Variants in NGF observed in about 807,000 individuals in gnomAD.
The protein encoded by NGF is beta-nerve growth factor.
A neutral mutation model predicts 12.8 loss-of-function variants in NGF; 4 were observed. The ratio of observed to expected loss-of-function variants is 0.31; its 90% CI spans 0.15 to 0.72. The LOEUF (loss-of-function observed/expected upper bound fraction) is 0.72. NGF is among the 30% of genes least tolerant of loss of function. The pLI, the probability that NGF is intolerant of heterozygous loss-of-function variation, is 0.69. For missense variants in NGF, 283 were observed against 330.8 expected, an observed-to-expected ratio of 0.86 and a Z score of 1.12; for synonymous variants, 140 against 130.0, an observed-to-expected ratio of 1.08 and a Z score of -0.52.
intron 1 of NGF, among the ~76,000 whole-genome samples, chr1:115,318,276 C>A (rs1654523843): frequency 6.6e-6 from 1 of 152,220 alleles, no homozygotes; most frequent in South Asian, 2.1e-4. Flanking sequence ...AGGACACAAC[C>A]TGCACAGCTT....
chr1:115,326,286 G>A (rs1027196185), intron 1 of NGF, among the ~76,000 whole-genome samples: 1 of 152,180 alleles, frequency 6.6e-6, no homozygotes, highest in Non-Finnish European at 1.5e-5. Flanking sequence ...GCCTTAGACT[G>A]AGTAGTTGGG....
At chr1:115,331,569 G>A (rs1464524739) in intron 1 of NGF, among the ~76,000 whole-genome samples, 2 of 152,232 alleles carry the variant, frequency 1.3e-5, no homozygotes, top group Non-Finnish European at 2.9e-5. Flanking sequence ...TGTGTGGAAA[G>A]TGAAGAAATT....
rs776406021 is a variant in NGF at position 115,286,628 on chromosome 1, T to A, written c.168A>T (p.Ala56=). ...TALRRARSAP[A]AAIAARVAGQ... ...CCGCCACGCGTGCAGCTATCGCCGC[T>A]GCCGGGGCGCTGCGGGCTCTGCGAA... The change falls in exon 3 of 3, where the codon GCA becomes GCT. Residue 56 remains alanine, a synonymous_variant. Coordinates refer to ENST00000369512, the MANE Select transcript of NGF (RefSeq NM_002506.3). 6.2e-7 allele frequency: 1 copy of A among 1,614,228 alleles called. No individual in the cohort carries two copies.
chr1:115,285,956 G>T lies in NGF; in HGVS notation c.*114C>A. ...TAATAAATAATGATTCTTTAAAACT[G>T]TATAAACTATAAATTACCATGCAGT... On this transcript the variant is annotated 3_prime_UTR_variant, in exon 3 of 3. Coordinates refer to ENST00000369512, the MANE Select transcript of NGF (RefSeq NM_002506.3). 7.2e-7 allele frequency: 1 copy of T among 1,379,508 alleles called. No homozygotes were observed. The highest frequency in any genetic ancestry group is 9.7e-7 in the Non-Finnish European group (1 of 1,030,528). 85.5% of individuals were successfully genotyped at this position (1,379,508 alleles called of 1,614,324 possible).
At chr1:115,336,593 A>G (rs1328569769) in intron 1 of NGF, among the ~76,000 whole-genome samples, 1 of 152,238 alleles carries the variant, frequency 6.6e-6, no homozygotes, top group Non-Finnish European at 1.5e-5. Context: ...ATTCAACAAA[A>G]GAGACCCATC....
chr1:115,317,647 T>C (rs1654507329), intron 1 of NGF, among the ~76,000 whole-genome samples: 1 of 152,170 alleles, frequency 6.6e-6, no homozygotes, highest in Non-Finnish European at 1.5e-5. Context: ...TTGCTCTTTA[T>C]CAGAGCGCTC....
chr1:115,322,784 T>A (rs951482562), intron 1 of NGF, among the ~76,000 whole-genome samples: 3 of 152,166 alleles, frequency 2.0e-5, no homozygotes, highest in African/African-American at 7.2e-5. Flanking sequence ...AAATGAGTGG[T>A]CAGTCACCAT....
chr1:115,320,275 C>G (rs1176085608), intron 1 of NGF, among the ~76,000 whole-genome samples: 1 of 151,956 alleles, frequency 6.6e-6, no homozygotes, highest in African/African-American at 2.4e-5. Context: ...TGTTTTTTTC[C>G]CCAAACCTAC....
intron 1 of NGF, among the ~76,000 whole-genome samples, chr1:115,330,499 G>A (rs1000631096): frequency 6.6e-6 from 1 of 152,220 alleles, no homozygotes; most frequent in African/African-American, 2.4e-5. Context: ...CCACCCTCCA[G>A]AGTAGTGCTG....
chr1:115,286,631 C>G lies in NGF; in HGVS notation c.165G>C (p.Pro55=), dbSNP rs149876217. 7.4e-6 allele frequency: 12 copies of G among 1,614,190 alleles called. No individual in the cohort carries two copies. Among genetic ancestry groups the G allele is most frequent in the Non-Finnish European group, 1.0e-5 (12 of 1,180,040 alleles). The change falls in exon 3 of 3, where the codon CCG becomes CCC. Residue 55 remains proline (P), a synonymous_variant. Transcript: ENST00000369512. ...CCACGCGTGCAGCTATCGCCGCTGCCGGGGCGCTGCGGGCTCTGCGAAGGG... is the reference window on the plus strand; with the variant it reads ...CCACGCGTGCAGCTATCGCCGCTGCGGGGGCGCTGCGGGCTCTGCGAAGGG... ...DTALRRARSA[P]AAAIAARVAG...
At chr1:115,307,367 C>T (rs1168468531) in intron 1 of NGF, among the ~76,000 whole-genome samples, 1 of 151,970 alleles carries the variant, frequency 6.6e-6, no homozygotes, top group Middle Eastern at 3.2e-3. Flanking sequence ...GGAGGGAGAT[C>T]CAGAGGGCAA....
intron 2 of NGF, among the ~76,000 whole-genome samples, chr1:115,292,353 C>A (rs1158286240): frequency 6.6e-6 from 1 of 152,158 alleles, no homozygotes; most frequent in East Asian, 1.9e-4. Context: ...TTCAGGGCAT[C>A]AGAATCACCT....
chr1:115,312,377 A>AGCTG (rs1654357237), intron 1 of NGF, among the ~76,000 whole-genome samples: 1 of 152,200 alleles, frequency 6.6e-6, no homozygotes, highest in East Asian at 1.9e-4. Flanking sequence ...ATCCCATGCT[A>AGCTG]GGTACCACAG....
Position 115,337,261 on chromosome 1 carries a change from G to GTTTTTT in NGF, c.-137+942_-137+943insAAAAAA, listed in dbSNP as rs368973980. 5.5e-3 allele frequency among the ~76,000 whole-genome samples: 65 copies of GTTTTTT among 11,740 alleles called. 3 individuals are homozygous for GTTTTTT. Among genetic ancestry groups the GTTTTTT allele is most frequent in the Middle Eastern group, 0.17 (2 of 12 alleles). The allele number at this position is 11,740 out of a possible 152,430, so 7.7% of individuals were successfully genotyped here. A position where few individuals can be genotyped will look rare whatever the true frequency, so the allele number is the denominator to read the frequency against. ...AGAATCTCGAAATTTTTTTTGTTTT[G>GTTTTTT]TTTTTGTTTTTTTTTTTTTTTTTTT... On this transcript the variant is annotated intron_variant, in intron 1 of 2. Transcript: ENST00000369512.
intron 1 of NGF, among the ~76,000 whole-genome samples, chr1:115,333,023 C>G (rs1379155728): frequency 6.6e-6 from 1 of 152,180 alleles, no homozygotes; most frequent in African/African-American, 2.4e-5. Flanking sequence ...GCAAGTCACT[C>G]CATTACTAAT....
At chr1:115,290,716 C>A (rs555687690) in intron 2 of NGF, among the ~76,000 whole-genome samples, 1 of 152,218 alleles carries the variant, frequency 6.6e-6, no homozygotes, top group East Asian at 1.9e-4. Flanking sequence ...TAAAGCCTTC[C>A]CTTTATATTC....
intron 2 of NGF, among the ~76,000 whole-genome samples, chr1:115,291,493 G>T (rs1209415271): frequency 1.3e-5 from 2 of 152,120 alleles, no homozygotes; most frequent in Non-Finnish European, 2.9e-5. Context: ...ATGCAGTTAG[G>T]GGCTCACATG....
chr1:115,335,579 T>C (rs1322149972), intron 1 of NGF, among the ~76,000 whole-genome samples: 1 of 152,196 alleles, frequency 6.6e-6, no homozygotes, highest in Non-Finnish European at 1.5e-5. Context: ...TATCCAGAGA[T>C]TTTATGCAAG....
intron 1 of NGF, among the ~76,000 whole-genome samples, chr1:115,334,516 A>G (rs888044429): frequency 6.6e-6 from 1 of 152,196 alleles, no homozygotes; most frequent in African/African-American, 2.4e-5. Flanking sequence ...GTGGGACTAC[A>G]GCACTGAGGT....
Sources: gnomAD v4.1 joint callset for allele counts (sites outside exome capture counted in the v4.1 genomes callset) on GRCh38, gnomAD v4.1.1 for gene constraint, MANE v1.5 for transcripts, NCBI Gene and HGNC (gene_info 2026-07-23, HGNC 2026-07-21) for gene names.